NME9: variants seen among roughly 807,000 people sequenced by gnomAD.
The protein encoded by NME9 is NME/NM23 family member 9.
Under a neutral mutation model 44.4 loss-of-function variants are expected in NME9, and 48 were observed. That is an observed-to-expected ratio of 1.08 (90% confidence interval 0.86 to 1.37). NME9 has a LOEUF of 1.37. NME9 is among the 40% of genes most tolerant of loss of function. The pLI is 0.00. For synonymous variants in NME9, 139 were observed against 147.1 expected, an observed-to-expected ratio of 0.94 and a Z score of 0.40; for missense variants, 325 against 405.2, an observed-to-expected ratio of 0.80 and a Z score of 1.70.
At chr3:138,261,728 GAT>G (rs1463071913) in exon 9 of NME9, 1 of 152,230 alleles carries the variant, frequency 6.6e-6, no homozygotes, top group Non-Finnish European at 1.5e-5. Flanking sequence ...ACAGAGTAAA[GAT>G]GTGAGAACAT....
intron 8 of NME9, among the ~76,000 whole-genome samples, chr3:138,270,738 ATACT>A (rs2048714060): frequency 6.6e-6 from 1 of 152,204 alleles, no homozygotes; most frequent in African/African-American, 2.4e-5. Context: ...TGGTGCATAA[ATACT>A]TAATAATTTT....
chr3:138,273,209 C>A, intron 8 of NME9: 2 of 1,288,604 alleles, frequency 1.6e-6, no homozygotes, highest in Non-Finnish European at 2.1e-6. Flanking sequence ...AACATCTGCC[C>A]ATGAGTGTGA....
At chr3:138,275,010 ACTTC>A (rs2049142477) in intron 8 of NME9, among the ~76,000 whole-genome samples, 1 of 152,072 alleles carries the variant, frequency 6.6e-6, no homozygotes, top group African/African-American at 2.4e-5. Context: ...CCATAACCCT[ACTTC>A]CATTAAGTTT....
intron 8 of NME9, among the ~76,000 whole-genome samples, chr3:138,269,366 CA>C (rs1234377908): frequency 4.0e-5 from 6 of 151,848 alleles, no homozygotes; most frequent in Non-Finnish European, 8.8e-5. Context: ...TAGAAATTAC[CA>C]AAAATTCATG....
intron 6 of NME9, 125 bp from the exon 7 acceptor site, chr3:138,306,605 TCA>T (rs2052284022): frequency 1.6e-6 from 1 of 634,972 alleles, no homozygotes; most frequent in East Asian, 2.8e-5. Context: ...GCTTGGGCTC[TCA>T]GAGTTCCCTT....
chr3:138,284,335 A>G lies in NME9; in HGVS notation c.745+19172T>C, dbSNP rs544865406. The G allele has an allele frequency of 3.3e-4, 279 of 848,036 alleles. 2 individuals carry two copies. Among genetic ancestry groups the G allele is most frequent in the South Asian group, 2.0e-3 (136 of 68,698 alleles). The allele number at this position is 848,036 out of a possible 1,614,324, so 52.5% of individuals were successfully genotyped here. The stretch of plus-strand genomic sequence containing the variant: ...TTGAGAGTGGAACCTGTGAGAATCC[A>G]TGTACCTTCAAGTGAAAAATTGCCC... On this transcript the variant is annotated intron_variant, in intron 8 of 8. Coordinates refer to the NME9 transcript ENST00000317876.
Position 138,301,632 on chromosome 3 carries a change from C to A in NME9, c.*8G>T, listed in dbSNP as rs554300258. The A allele has an allele frequency of 7.2e-6, 11 of 1,536,080 alleles. No individual in the cohort carries two copies. The highest frequency in any genetic ancestry group is 1.2e-5 in the South Asian group (1 of 84,060). On this transcript the variant is annotated 3_prime_UTR_variant, in exon 11 of 11. Transcript: ENST00000333911. ...GGTCACGTGCTCTGGAAGAGCAGCA[C>A]AGCCATCTCAATCCACATCCTCAGG... is the stretch of plus-strand genomic sequence containing the variant.
intron 8 of NME9, among the ~76,000 whole-genome samples, chr3:138,262,742 T>C (rs2047880096): frequency 1.3e-5 from 2 of 152,164 alleles, no homozygotes; most frequent in South Asian, 4.1e-4. Flanking sequence ...TAAGATCTAT[T>C]GGTCTAGGTA....
chr3:138,266,666 C>T (rs146548209), intron 8 of NME9, among the ~76,000 whole-genome samples: 1 of 152,222 alleles, frequency 6.6e-6, no homozygotes, highest in East Asian at 1.9e-4. Context: ...TGTGTGATTC[C>T]ATTTCTGAGA....
At chr3:138,279,812 T>C (rs1437864502) in intron 8 of NME9, among the ~76,000 whole-genome samples, 1 of 152,218 alleles carries the variant, frequency 6.6e-6, no homozygotes, top group Non-Finnish European at 1.5e-5. Flanking sequence ...GTTTTCAAAT[T>C]TGTTAACATA....
exon 9 of NME9, chr3:138,262,457 T>C: frequency 2.0e-6 from 3 of 1,473,502 alleles, no homozygotes; most frequent in Non-Finnish European, 1.9e-6. Flanking sequence ...CAACAATATT[T>C]TCTTCTCTTC....
At chr3:138,305,666 C>G (rs76211065) in intron 8 of NME9, among the ~76,000 whole-genome samples, 14 of 152,192 alleles carry the variant, frequency 9.2e-5, no homozygotes, top group Non-Finnish European at 5.9e-5. Context: ...ATGGCAGTAT[C>G]TAAAGTGATA....
At chr3:138,262,251 A>C in exon 9 of NME9, 1 of 297,472 alleles carries the variant, frequency 3.4e-6, no homozygotes. Context: ...TAGGGGCTAG[A>C]GGTGACAATG....
rs955591766 is a variant in NME9 at position 138,295,736 on chromosome 3, C to T, written c.745+7771G>A. The stretch of plus-strand genomic sequence containing the variant: ...CTTAAGGTAGGTGCCCACCTGGGCT[C>T]ACCCCAATTCCCTCTGGAGATTTAC... On this transcript the variant is annotated intron_variant, in intron 8 of 8. Transcript: ENST00000317876. The T allele has an allele frequency of 8.5e-6, 9 of 1,052,786 alleles. No homozygotes were observed. The African/African-American group carries it at 9.5e-5, about 11-fold the overall frequency. 65.2% of individuals were successfully genotyped at this position (1,052,786 alleles called of 1,614,324 possible). A position where few individuals can be genotyped will look rare whatever the true frequency, so the allele number is the denominator to read the frequency against.
chr3:138,266,326 G>A (rs548283179), intron 8 of NME9, among the ~76,000 whole-genome samples: 1 of 151,986 alleles, frequency 6.6e-6, no homozygotes, highest in Non-Finnish European at 1.5e-5. Flanking sequence ...TCTATGCTTG[G>A]AACACACTTG....
intron 8 of NME9, among the ~76,000 whole-genome samples, chr3:138,288,497 T>A (rs2050633400): frequency 6.6e-6 from 1 of 152,234 alleles, no homozygotes; most frequent in Non-Finnish European, 1.5e-5. Context: ...TGAATTTGCA[T>A]GTCTTTTGGC....
intron 6 of NME9, among the ~76,000 whole-genome samples, chr3:138,313,514 G>T (rs915617878): frequency 2.0e-5 from 3 of 152,096 alleles, no homozygotes; most frequent in African/African-American, 4.8e-5. Context: ...CAGTATGGAG[G>T]TCCCTGAAAA....
intron 2 of NME9, chr3:138,324,203 G>A: frequency 3.3e-6 from 1 of 307,120 alleles, no homozygotes. Flanking sequence ...GCTTGGAAGT[G>A]GATCTTCTTA....
chr3:138,318,836 G>T (rs1444557550), intron 3 of NME9, among the ~76,000 whole-genome samples: 1 of 152,148 alleles, frequency 6.6e-6, no homozygotes, highest in African/African-American at 2.4e-5. Context: ...CCTTTATGGT[G>T]CAGAGGATGG....
Sources: allele counts gnomAD v4.1 joint callset (sites outside exome capture counted in the v4.1 genomes callset), GRCh38; gene constraint gnomAD v4.1.1; transcripts MANE v1.5; gene names NCBI Gene and HGNC (gene_info 2026-07-23, HGNC 2026-07-21).